NBAS: variants seen among roughly 807,000 people sequenced by gnomAD.
The protein encoded by NBAS is NBAS subunit of NRZ tethering complex, also known as NAG/BC035112 fusion.
NBAS carries 219 observed loss-of-function variants against 302.5 expected under a neutral mutation model. That is an observed-to-expected ratio of 0.72 (90% CI 0.65 to 0.81). The LOEUF (loss-of-function observed/expected upper bound fraction) is 0.81, where lower values mean the gene tolerates loss of function less well. NBAS is among the 30% of genes least tolerant of loss of function. The pLI is 0.00. For synonymous variants in NBAS, 1,118 were observed against 1,021.6 expected (o/e 1.09, Z -1.80); for missense variants, 2,932 against 2,841.6 (o/e 1.03, Z -0.72).
At chr2:15,314,075 C>T (rs1250855544) in intron 38 of NBAS, among the ~76,000 whole-genome samples, 1 of 151,390 alleles carries the variant, frequency 6.6e-6, no homozygotes. Context: ...ATTAAAAGGC[C>T]GGGCATGGTG....
chr2:15,243,624 TA>T (rs1206174824), intron 44 of NBAS, among the ~76,000 whole-genome samples: 4 of 151,684 alleles, frequency 2.6e-5, no homozygotes, highest in East Asian at 1.9e-4. Flanking sequence ...TGATATGCTA[TA>T]AAAAATACTT....
At chr2:14,822,727 C>G in the NBAS span, among the ~76,000 whole-genome samples, 1 of 152,176 alleles carries the variant, frequency 6.6e-6, no homozygotes, top group Non-Finnish European at 1.5e-5. Context: ...CTTGAATAGG[C>G]AATGGACATT....
chr2:14,798,894 T>C, the NBAS span, among the ~76,000 whole-genome samples: 3 of 152,102 alleles, frequency 2.0e-5, no homozygotes, highest in Non-Finnish European at 2.9e-5. Context: ...TTAAGATCTG[T>C]AGAATCTACA....
chr2:15,530,351 A>G (rs1176710010), intron 9 of NBAS, among the ~76,000 whole-genome samples: 1 of 152,108 alleles, frequency 6.6e-6, no homozygotes, highest in Non-Finnish European at 1.5e-5. Flanking sequence ...GAGAACTTCT[A>G]TAAATGAAAA....
At chr2:15,360,378 AGGCTGGAGTGTAAT>A (rs1673849280) in intron 32 of NBAS, among the ~76,000 whole-genome samples, 2 of 150,486 alleles carry the variant, frequency 1.3e-5, no homozygotes, top group South Asian at 4.2e-4. Flanking sequence ...TGTGTCGCCT[AGGCTGGAGTGTAAT>A]GGCATGATCA....
chr2:15,490,399 G>A (rs372992127), intron 11 of NBAS, among the ~76,000 whole-genome samples: 1 of 152,068 alleles, frequency 6.6e-6, no homozygotes, highest in Non-Finnish European at 1.5e-5. Context: ...ACAATTAAAT[G>A]TAAGATTGAA....
chr2:15,413,554 A>G (rs1676782455), intron 25 of NBAS, among the ~76,000 whole-genome samples: 1 of 152,184 alleles, frequency 6.6e-6, no homozygotes, highest in Non-Finnish European at 1.5e-5. Context: ...TACTCCAAAC[A>G]AAGGAAACAG....
At chr2:14,971,999 C>A in the NBAS span, among the ~76,000 whole-genome samples, 2 of 152,000 alleles carry the variant, frequency 1.3e-5, no homozygotes, top group Non-Finnish European at 2.9e-5. Flanking sequence ...GTATAAGGAC[C>A]TGTCCATTTC....
chr2:15,289,187 C>G (rs1231943829), intron 41 of NBAS, among the ~76,000 whole-genome samples: 1 of 152,176 alleles, frequency 6.6e-6, no homozygotes, highest in Non-Finnish European at 1.5e-5. Context: ...AGCCATCCAC[C>G]CACCCACCTA....
At chr2:15,166,608 A>C (rs1295291724), downstream of NBAS, among the ~76,000 whole-genome samples, 1 of 152,138 alleles carries the variant, frequency 6.6e-6, no homozygotes, top group Non-Finnish European at 1.5e-5. Flanking sequence ...AGGTGGAAGA[A>C]TTTGCCCGAG....
chr2:15,463,754 C>T (rs891608134), intron 19 of NBAS, among the ~76,000 whole-genome samples: 1 of 137,500 alleles, frequency 7.3e-6, no homozygotes, highest in Non-Finnish European at 1.5e-5. Context: ...AAAACCTCAA[C>T]ACTGCTTGAA....
chr2:14,784,860 T>G, the NBAS span, among the ~76,000 whole-genome samples: 1 of 152,168 alleles, frequency 6.6e-6, no homozygotes, highest in Non-Finnish European at 1.5e-5. Flanking sequence ...GTGAAGAAAG[T>G]CATTGGTAGC....
chr2:15,521,552 T>A (rs1400783764), intron 9 of NBAS, among the ~76,000 whole-genome samples: 1 of 152,200 alleles, frequency 6.6e-6, no homozygotes, highest in South Asian at 2.1e-4. Context: ...GGAACTTACA[T>A]TCTAGTGTAT....
chr2:15,209,273 C>T (rs946498951), intron 48 of NBAS, among the ~76,000 whole-genome samples: 1 of 151,972 alleles, frequency 6.6e-6, no homozygotes, highest in African/African-American at 2.4e-5. Context: ...CTGAACAGAC[C>T]AATAACAGGT....
chr2:15,431,390 C>A (rs1402573904), intron 21 of NBAS, among the ~76,000 whole-genome samples: 1 of 152,006 alleles, frequency 6.6e-6, no homozygotes, highest in Non-Finnish European at 1.5e-5. Flanking sequence ...ATAAAATCAC[C>A]GTAAGTTCTT....
chr2:15,359,335 G>A (rs1673782718), intron 32 of NBAS, among the ~76,000 whole-genome samples: 1 of 152,108 alleles, frequency 6.6e-6, no homozygotes, highest in Admixed American at 6.5e-5. Flanking sequence ...GTCCCAACAG[G>A]GACTTTAAAC....
intron 40 of NBAS, among the ~76,000 whole-genome samples, chr2:15,300,165 T>C (rs1424268584): frequency 1.3e-5 from 2 of 152,172 alleles, no homozygotes; most frequent in African/African-American, 4.8e-5. Context: ...ACAAATTCTA[T>C]CAATACTTTT....
the NBAS span, among the ~76,000 whole-genome samples, chr2:15,006,680 C>T: frequency 5.3e-5 from 8 of 152,112 alleles, no homozygotes; most frequent in East Asian, 1.9e-4. Context: ...CATAACTATT[C>T]GTTTACAATT....
At chr2:15,146,347 G>A in the NBAS span, among the ~76,000 whole-genome samples, 1 of 152,120 alleles carries the variant, frequency 6.6e-6, no homozygotes, top group Non-Finnish European at 1.5e-5. Flanking sequence ...GGCAATAGTG[G>A]TCATCTTGAG....
Sources: allele counts gnomAD v4.1 joint callset (sites outside exome capture counted in the v4.1 genomes callset), GRCh38; gene constraint gnomAD v4.1.1; transcripts MANE v1.5; gene names NCBI Gene and HGNC (gene_info 2026-07-23, HGNC 2026-07-21).